USH2A: variants seen among roughly 807,000 people sequenced by gnomAD.
USH2A encodes usherin.
In USH2A, 443 loss-of-function variants were observed where a neutral mutation model predicts 538.9. That is an observed-to-expected ratio of 0.82 (90% CI 0.76 to 0.89). The LOEUF (loss-of-function observed/expected upper bound fraction) is 0.89. Among genes scored for constraint, USH2A ranks in the 40% least tolerant of loss-of-function variants. The pLI, the probability that USH2A is intolerant of heterozygous loss-of-function variation, is 0.00. For synonymous variants in USH2A, 2,413 were observed against 2,273.5 expected, an observed-to-expected ratio of 1.06 and a Z score of -1.75; for missense variants, 6,633 against 6,324.8, an observed-to-expected ratio of 1.05 and a Z score of -1.65.
chr1:216,198,395 T>C lies in USH2A; in HGVS notation c.4001A>G (p.Lys1334Arg), dbSNP rs770323958. The C allele has an allele frequency of 5.0e-6, 8 of 1,613,926 alleles. No homozygotes were observed. Among genetic ancestry groups the C allele is most frequent in the African/African-American group, 1.3e-5 (1 of 74,924 alleles). The change falls in exon 18 of 72, where the codon AAG becomes AGG. Residue 1334 changes from lysine (K) to arginine (R), a missense_variant. Transcript: ENST00000307340. Reference protein sequence around the residue: ...TTITGLEPYTKYEFRVLAVNM... With the variant: ...TTITGLEPYTRYEFRVLAVNM... ...CACAGCTAAGACTCTGAACTCATAC[T>C]TGGTGTATGGCTCCAAGCCAGTGAT...
intron 61 of USH2A, among the ~76,000 whole-genome samples, chr1:215,681,638 A>C (rs1658234267): frequency 6.6e-6 from 1 of 152,234 alleles, no homozygotes; most frequent in Admixed American, 6.5e-5. Context: ...CTAAAACAAG[A>C]TGACAAAATC....
chr1:215,975,940 C>T (rs901615164), intron 35 of USH2A, among the ~76,000 whole-genome samples: 1 of 152,112 alleles, frequency 6.6e-6, no homozygotes, highest in South Asian at 2.1e-4. Flanking sequence ...ATTGATTCTT[C>T]CACTTCATGA....
chr1:216,191,247 C>T (rs991398390), intron 19 of USH2A, among the ~76,000 whole-genome samples: 2 of 151,962 alleles, frequency 1.3e-5, no homozygotes, highest in African/African-American at 4.8e-5. Flanking sequence ...GCTACTGATA[C>T]ATAGTCATAT....
chr1:216,038,600 A>G (rs987333239), intron 32 of USH2A, among the ~76,000 whole-genome samples: 9 of 151,994 alleles, frequency 5.9e-5, no homozygotes, highest in Non-Finnish European at 8.8e-5. Flanking sequence ...GAGGCCACAA[A>G]ATGAGGAGCT....
intron 43 of USH2A, among the ~76,000 whole-genome samples, chr1:215,875,472 T>C (rs918684272): frequency 3.3e-5 from 5 of 152,172 alleles, no homozygotes; most frequent in Admixed American, 1.3e-4. Context: ...GGTGTGTTTA[T>C]GTCAATTCAT....
intron 27 of USH2A, among the ~76,000 whole-genome samples, chr1:216,074,171 A>T (rs1406025412): frequency 2.0e-5 from 3 of 152,206 alleles, no homozygotes; most frequent in Non-Finnish European, 2.9e-5. Context: ...CAAAAAAGGC[A>T]TCCAGTTAGC....
chr1:215,989,738 C>A (rs1342148057), intron 35 of USH2A, among the ~76,000 whole-genome samples: 2 of 151,606 alleles, frequency 1.3e-5, no homozygotes, highest in African/African-American at 2.4e-5. Context: ...TGGTGCAAAT[C>A]CATGAGAGAG....
chr1:215,703,001 T>C (rs1342420465), intron 61 of USH2A, among the ~76,000 whole-genome samples: 1 of 152,282 alleles, frequency 6.6e-6, no homozygotes, highest in East Asian at 1.9e-4. Context: ...TGTTTCATTG[T>C]CTTCCTTTGT....
chr1:215,664,548 A>G (rs957405105), intron 64 of USH2A, among the ~76,000 whole-genome samples: 2 of 152,246 alleles, frequency 1.3e-5, no homozygotes, highest in African/African-American at 4.8e-5. Context: ...AAGTTTGATT[A>G]GACTTTCTAA....
chr1:216,395,125 A>C (rs1251737615), intron 3 of USH2A, among the ~76,000 whole-genome samples: 1 of 152,186 alleles, frequency 6.6e-6, no homozygotes, highest in African/African-American at 2.4e-5. Flanking sequence ...TCAAGTCAAC[A>C]ATTTACTAAA....
At chr1:215,953,898 G>A (rs1666995295) in intron 37 of USH2A, among the ~76,000 whole-genome samples, 1 of 152,074 alleles carries the variant, frequency 6.6e-6, no homozygotes. Context: ...CAAAAAGTGG[G>A]CAAAGGATAT....
intron 4 of USH2A, among the ~76,000 whole-genome samples, chr1:216,364,001 A>G (rs947711756): frequency 6.6e-6 from 1 of 151,266 alleles, no homozygotes; most frequent in Admixed American, 6.6e-5. Context: ...TCTATTTCAC[A>G]GAGTTCCATA....
In USH2A at chr1:215,655,045, A is replaced by G. The variant is rs533464278; in HGVS notation, c.14134-4244T>C. On this transcript the variant is annotated intron_variant, in intron 64 of 71. Transcript: ENST00000307340. ...TCTTCTTTTAAGAGAAGTCTTTGTC[A>G]CAATATATTCCTTAGCCATGGTCAT... is the stretch of plus-strand genomic sequence containing the variant. 7.9e-5 allele frequency among the ~76,000 whole-genome samples: 12 copies of G among 152,336 alleles called. 1 individual carries two copies. The South Asian group carries it at 2.5e-3, about 32-fold the overall frequency.
intron 35 of USH2A, among the ~76,000 whole-genome samples, chr1:215,974,673 G>C (rs1230522255): frequency 6.6e-6 from 1 of 151,882 alleles, no homozygotes; most frequent in Non-Finnish European, 1.5e-5. Flanking sequence ...ATGATTTCAG[G>C]GTTTTTTCTG....
At chr1:215,672,052 A>G (rs1450361616) in intron 63 of USH2A, among the ~76,000 whole-genome samples, 1 of 152,148 alleles carries the variant, frequency 6.6e-6, no homozygotes, top group Admixed American at 6.5e-5. Context: ...TCAACTAATC[A>G]ATTATGTTTT....
chr1:215,688,958 G>T (rs1658517516), intron 61 of USH2A, among the ~76,000 whole-genome samples: 1 of 151,982 alleles, frequency 6.6e-6, no homozygotes, highest in African/African-American at 2.4e-5. Context: ...GGTGGTAATG[G>T]TAGACATAGA....
chr1:216,002,407 G>A (rs939934609), intron 32 of USH2A, among the ~76,000 whole-genome samples: 1 of 152,078 alleles, frequency 6.6e-6, no homozygotes, highest in Non-Finnish European at 1.5e-5. Flanking sequence ...CCCTGAAAAA[G>A]AGAAGCTGGG....
At chr1:216,324,384 A>G (rs1305382511) in intron 6 of USH2A, 32 bp from the exon 7 acceptor site, 2 of 1,553,924 alleles carry the variant, frequency 1.3e-6, no homozygotes, top group African/African-American at 2.7e-5. Flanking sequence ...ATGTAATTAA[A>G]GTTTTAAGTT....
intron 20 of USH2A, among the ~76,000 whole-genome samples, chr1:216,181,661 C>G (rs1376031780): frequency 6.6e-6 from 1 of 152,030 alleles, no homozygotes; most frequent in East Asian, 1.9e-4. Context: ...TGACAGCAAC[C>G]ACCATTCCCT....
Sources: allele counts gnomAD v4.1 joint callset (sites outside exome capture counted in the v4.1 genomes callset), GRCh38; gene constraint gnomAD v4.1.1; transcripts MANE v1.5; gene names NCBI Gene and HGNC (gene_info 2026-07-23, HGNC 2026-07-21).